The following NPSR1 variants were observed in gnomAD, a reference collection of about 807,000 sequenced individuals.
NPSR1 encodes the protein neuropeptide S receptor.
Under a neutral mutation model 46.9 loss-of-function variants are expected in NPSR1, and 48 were observed. The observed-to-expected ratio is 1.02, with a 90% CI of 0.81 to 1.30. NPSR1 has a LOEUF of 1.30. Among genes scored for constraint, NPSR1 ranks in the 50% most tolerant of loss-of-function variants. The pLI is 0.00. For missense variants in NPSR1, 450 were observed against 449.5 expected (o/e 1.00, Z -0.01); for synonymous variants, 176 against 168.1 (o/e 1.05, Z -0.36).
intron 1 of NPSR1, among the ~76,000 whole-genome samples, chr7:34,669,271 C>T (rs1387151543): frequency 6.6e-6 from 1 of 152,144 alleles, no homozygotes; most frequent in Non-Finnish European, 1.5e-5. Context: ...AGAAGTCTTA[C>T]AGTAAGGAAA....
chr7:34,779,483 C>T, intron 3 of NPSR1: 5 of 643,200 alleles, frequency 7.8e-6, no homozygotes, highest in Non-Finnish European at 6.9e-6. Context: ...CTTTTAGGAT[C>T]TTTGTATATA....
chr7:34,680,962 T>A (rs1245952903), intron 1 of NPSR1, among the ~76,000 whole-genome samples: 1 of 151,772 alleles, frequency 6.6e-6, no homozygotes, highest in Non-Finnish European at 1.5e-5. Context: ...TTTAATGATG[T>A]TGGTAATAAT....
At chr7:34,676,193 C>T (rs773103185) in intron 1 of NPSR1, among the ~76,000 whole-genome samples, 1 of 152,090 alleles carries the variant, frequency 6.6e-6, no homozygotes, top group African/African-American at 2.4e-5. Context: ...GGAGATAAAC[C>T]AATTTTTATT....
chr7:34,822,387 A>G (rs1789602241), intron 4 of NPSR1, among the ~76,000 whole-genome samples: 1 of 152,210 alleles, frequency 6.6e-6, no homozygotes, highest in Non-Finnish European at 1.5e-5. Context: ...TGCAGGCACA[A>G]GGCAATGGCC....
At chr7:34,778,197 C>T (rs1306038873) in intron 2 of NPSR1, among the ~76,000 whole-genome samples, 1 of 152,152 alleles carries the variant, frequency 6.6e-6, no homozygotes, top group Non-Finnish European at 1.5e-5. Context: ...AAAAAGTCAA[C>T]TCTATGATTA....
intron 2 of NPSR1, among the ~76,000 whole-genome samples, chr7:34,699,055 T>C (rs1203143908): frequency 5.3e-5 from 8 of 152,194 alleles, no homozygotes; most frequent in Admixed American, 5.2e-4. Context: ...ATTTCTAGAA[T>C]TGTTCTATCA....
At chr7:34,749,912 G>A (rs547415543) in intron 2 of NPSR1, among the ~76,000 whole-genome samples, 1 of 152,122 alleles carries the variant, frequency 6.6e-6, no homozygotes, top group Non-Finnish European at 1.5e-5. Context: ...TATTGTTCCT[G>A]GACCAAATAG....
chr7:34,696,392 G>T (rs912192200), intron 2 of NPSR1, among the ~76,000 whole-genome samples: 1 of 152,038 alleles, frequency 6.6e-6, no homozygotes, highest in African/African-American at 2.4e-5. Context: ...GGGTACACTG[G>T]AATCACAATC....
chr7:34,712,133 G>A (rs117056216), intron 2 of NPSR1, among the ~76,000 whole-genome samples: 2,229 of 152,248 alleles, frequency 0.015, 31 homozygotes, highest in Non-Finnish European at 0.024. Context: ...CTCTCCCACT[G>A]TGAACCACTG....
At chr7:34,792,677 A>ATT (rs1265064696) in intron 3 of NPSR1, among the ~76,000 whole-genome samples, 1 of 90,560 alleles carries the variant, frequency 1.1e-5, no homozygotes, top group Non-Finnish European at 2.4e-5. Flanking sequence ...ATATATATGT[A>ATT]TATATATATA....
intron 1 of NPSR1, among the ~76,000 whole-genome samples, chr7:34,679,521 C>T (rs1212622394): frequency 2.0e-5 from 3 of 152,016 alleles, no homozygotes; most frequent in Admixed American, 6.5e-5. Context: ...GATAAGTTCT[C>T]GGAAACTGTG....
intron 2 of NPSR1, chr7:34,751,487 T>C: frequency 7.8e-7 from 1 of 1,286,232 alleles, no homozygotes; most frequent in Non-Finnish European, 1.1e-6. Context: ...TCTGCCTCCG[T>C]GTCATCTGCT....
intron 2 of NPSR1, among the ~76,000 whole-genome samples, chr7:34,711,719 G>A (rs35967640): frequency 0.021 from 3,211 of 152,310 alleles, 123 homozygotes; most frequent in African/African-American, 0.073. Flanking sequence ...CTAGCCCAGA[G>A]CCTGCTCAAG....
chr7:34,751,829 A>G (rs1583946401), intron 2 of NPSR1: 4 of 1,588,444 alleles, frequency 2.5e-6, no homozygotes, highest in East Asian at 2.2e-5. Flanking sequence ...GCCAGTTGGT[A>G]AATGAGGGTC....
intron 3 of NPSR1, among the ~76,000 whole-genome samples, chr7:34,791,546 A>C (rs564122001): frequency 7.3e-4 from 111 of 151,954 alleles, no homozygotes; most frequent in African/African-American, 2.6e-3. Flanking sequence ...TATATTGATG[A>C]AAGAAATTAA....
intron 2 of NPSR1, among the ~76,000 whole-genome samples, chr7:34,712,680 A>G (rs536899621): frequency 2.0e-5 from 3 of 152,340 alleles, no homozygotes; most frequent in Admixed American, 1.3e-4. Context: ...CAGAGGAACA[A>G]CCGAAACAGA....
At chr7:34,867,197 G>A (rs1235341534) in intron 8 of NPSR1, among the ~76,000 whole-genome samples, 1 of 151,804 alleles carries the variant, frequency 6.6e-6, no homozygotes, top group Non-Finnish European at 1.5e-5. Context: ...GAGTTTAAGA[G>A]CCAAAAGGCT....
In NPSR1 at chr7:34,658,320, A is replaced by G; in HGVS notation, c.-93A>G. The G allele has an allele frequency of 2.8e-6, 4 of 1,424,996 alleles. No homozygotes were observed. The highest frequency in any genetic ancestry group is 2.5e-5 in the South Asian group (2 of 78,672). The allele number at this position is 1,424,996 out of a possible 1,614,324, so 88.3% of individuals were successfully genotyped here. A position where few individuals can be genotyped will look rare whatever the true frequency, so the allele number is the denominator to read the frequency against. On this transcript the variant is annotated 5_prime_UTR_variant, in exon 1 of 9. Coordinates refer to ENST00000360581, the MANE Select transcript of NPSR1 (RefSeq NM_207172.2). ...AGGGCTCTGTGCCTCCGTTCAGCAGAGCTGCAGCTGCTGCCCAGCTCTCAG... is the reference window on the plus strand; with the variant it reads ...AGGGCTCTGTGCCTCCGTTCAGCAGGGCTGCAGCTGCTGCCCAGCTCTCAG...
intron 8 of NPSR1, among the ~76,000 whole-genome samples, chr7:34,869,274 C>T (rs1017099272): frequency 3.3e-5 from 5 of 151,718 alleles, no homozygotes; most frequent in South Asian, 2.1e-4. Context: ...GACAATGAAA[C>T]GATTCAAGTG....
Sources: allele counts gnomAD v4.1 joint callset (sites outside exome capture counted in the v4.1 genomes callset), GRCh38; gene constraint gnomAD v4.1.1; transcripts MANE v1.5; gene names NCBI Gene and HGNC (gene_info 2026-07-23, HGNC 2026-07-21).